MMP26: variants seen among roughly 807,000 people sequenced by gnomAD.
The protein encoded by MMP26 is matrix metallopeptidase 26, also known as matrix metalloproteinase-26.
Under a neutral mutation model 31.0 loss-of-function variants are expected in MMP26, and 33 were observed. The ratio of observed to expected loss-of-function variants is 1.06; its 90% CI spans 0.81 to 1.42. The LOEUF is 1.42. MMP26 is among the 40% of genes most tolerant of loss of function. MMP26 has a pLI of 0.00. For missense variants in MMP26, 347 were observed against 316.1 expected (o/e 1.10, Z -0.74); for synonymous variants, 122 against 114.9 (o/e 1.06, Z -0.40).
chr11:4,706,306 A>G (rs1039129819), intron 1 of MMP26, among the ~76,000 whole-genome samples: 12 of 151,990 alleles, frequency 7.9e-5, no homozygotes, highest in African/African-American at 2.9e-4. Flanking sequence ...CACACTTGTA[A>G]TCCCAGCACT....
chr11:4,808,763 T>TC, intron 2 of MMP26, among the ~76,000 whole-genome samples: 1 of 148,454 alleles, frequency 6.7e-6, no homozygotes, highest in East Asian at 1.9e-4. Flanking sequence ...AGATTTTCTT[T>TC]TTTTTTTTTT....
chr11:4,992,292 A>C lies in MMP26; in HGVS notation c.*50A>C. ...CCTGTCCTTTCAGGGAGTTTATTGG[A>C]GGATCAAAGAACTGAAAGCACTAGA... On this transcript the variant is annotated 3_prime_UTR_variant, in exon 8 of 8. Coordinates refer to ENST00000380390, the MANE Select transcript of MMP26 (RefSeq NM_021801.5). 1.3e-6 allele frequency: 2 copies of C among 1,563,826 alleles called. No individual in the cohort carries two copies. Among genetic ancestry groups the C allele is most frequent in the African/African-American group, 1.4e-5 (1 of 73,464 alleles).
chr11:4,907,128 T>TAAA (rs1554890108), intron 2 of MMP26, among the ~76,000 whole-genome samples: 1 of 95,858 alleles, frequency 1.0e-5, no homozygotes, highest in Non-Finnish European at 2.3e-5. Context: ...CTAAAAATCC[T>TAAA]AAAAAGTCAC....
intron 2 of MMP26, among the ~76,000 whole-genome samples, chr11:4,840,492 T>C (rs1202397357): frequency 2.6e-5 from 4 of 152,168 alleles, no homozygotes; most frequent in Admixed American, 1.3e-4. Context: ...CAGACTCCAT[T>C]TATTTGGGAT....
At chr11:4,978,178 T>A (rs1160755555) in intron 2 of MMP26, among the ~76,000 whole-genome samples, 1 of 152,142 alleles carries the variant, frequency 6.6e-6, no homozygotes, top group East Asian at 1.9e-4. Flanking sequence ...TCCCCAGCCA[T>A]GCAGAATAGT....
rs770049893 is a variant in MMP26, at chr11:4,954,732, T to A, written c.-144-33336T>A. ...AGGTTTCTCAAATTTACCTTAAATA[T>A]CTTACCAGACATTTCCAGGTTTTCT... On this transcript the variant is annotated intron_variant, in intron 2 of 7. Coordinates refer to ENST00000380390, the MANE Select transcript of MMP26 (RefSeq NM_021801.5). The A allele has an allele frequency of 2.2e-5, 19 of 844,500 alleles. 4 individuals carry two copies. In the South Asian group the frequency reaches 2.7e-4, roughly 12 times the overall value. The allele number at this position is 844,500 out of a possible 1,614,324, so 52.3% of individuals were successfully genotyped here. A position where few individuals can be genotyped will look rare whatever the true frequency, so the allele number is the denominator to read the frequency against.
chr11:4,988,600 A>G, intron 3 of MMP26, among the ~76,000 whole-genome samples: 1 of 152,084 alleles, frequency 6.6e-6, no homozygotes, highest in South Asian at 2.1e-4. Context: ...TATGGCATAG[A>G]GTGAACACTC....
chr11:4,878,983 C>T (rs923090003), intron 2 of MMP26, among the ~76,000 whole-genome samples: 1 of 152,106 alleles, frequency 6.6e-6, no homozygotes. Flanking sequence ...CACCTGTAAT[C>T]CCAGCATTTT....
At chr11:4,986,932 C>CTCCCCCTCT (rs1564819722) in intron 2 of MMP26, among the ~76,000 whole-genome samples, 2 of 60,408 alleles carry the variant, frequency 3.3e-5, no homozygotes, top group African/African-American at 1.4e-4. Flanking sequence ...TCTCTCTCTC[C>CTCCCCCTCT]CTCTCTCTCT....
chr11:4,747,891 A>G (rs962042234), intron 1 of MMP26, among the ~76,000 whole-genome samples: 2 of 152,124 alleles, frequency 1.3e-5, no homozygotes, highest in Non-Finnish European at 2.9e-5. Flanking sequence ...TCAAGAAACT[A>G]GAAAAACAAG....
chr11:4,788,654 G>T (rs1009262700), intron 2 of MMP26, among the ~76,000 whole-genome samples: 2 of 152,006 alleles, frequency 1.3e-5, no homozygotes, highest in African/African-American at 4.8e-5. Context: ...ATTGTCAAAA[G>T]AAAAACAGAA....
At chr11:4,921,600 G>T (rs1405649647) in intron 2 of MMP26, among the ~76,000 whole-genome samples, 1 of 152,104 alleles carries the variant, frequency 6.6e-6, no homozygotes, top group Non-Finnish European at 1.5e-5. Context: ...AAGCACTGTT[G>T]TTCAGTGCAT....
chr11:4,863,166 C>G (rs970075912), intron 2 of MMP26, among the ~76,000 whole-genome samples: 10 of 152,058 alleles, frequency 6.6e-5, no homozygotes, highest in Non-Finnish European at 1.5e-4. Context: ...CTTGTTTACC[C>G]CTGCTGTTTT....
chr11:4,909,157 C>A (rs1850952337), intron 2 of MMP26: 1 of 151,670 alleles, frequency 6.6e-6, no homozygotes, highest in South Asian at 2.1e-4. Context: ...AAAATCAGCC[C>A]CTCTAATATG....
At chr11:4,811,164 T>A (rs1326855532) in intron 2 of MMP26, among the ~76,000 whole-genome samples, 2 of 152,186 alleles carry the variant, frequency 1.3e-5, no homozygotes, top group African/African-American at 2.4e-5. Flanking sequence ...ACATTGGAAT[T>A]TCTGGCTTCA....
intron 2 of MMP26, among the ~76,000 whole-genome samples, chr11:4,793,436 C>T (rs545305835): frequency 1.3e-5 from 2 of 152,068 alleles, no homozygotes; most frequent in Non-Finnish European, 2.9e-5. Context: ...CTCTAATTAA[C>T]GTAAATGAAG....
chr11:4,842,690 AC>A (rs1158213994), intron 2 of MMP26, among the ~76,000 whole-genome samples: 3 of 151,928 alleles, frequency 2.0e-5, no homozygotes, highest in Non-Finnish European at 4.4e-5. Context: ...CTGCCCCTTG[AC>A]CCTCCAAAAT....
intron 2 of MMP26, among the ~76,000 whole-genome samples, chr11:4,880,440 A>G (rs886580707): frequency 6.6e-6 from 1 of 152,076 alleles, no homozygotes; most frequent in African/African-American, 2.4e-5. Flanking sequence ...GGAGGGGTGT[A>G]ACAGATACTG....
intron 2 of MMP26, chr11:4,848,135 T>C: frequency 8.1e-7 from 1 of 1,228,142 alleles, no homozygotes; most frequent in South Asian, 1.5e-5. Flanking sequence ...ATATATGCAC[T>C]TATGTGTACG....
Sources: allele counts gnomAD v4.1 joint callset (sites outside exome capture counted in the v4.1 genomes callset), GRCh38; gene constraint gnomAD v4.1.1; transcripts MANE v1.5; gene names NCBI Gene and HGNC (gene_info 2026-07-23, HGNC 2026-07-21).